SHROOM2: variants seen among roughly 807,000 people sequenced by gnomAD.
The protein encoded by SHROOM2 is protein Shroom2.
A neutral mutation model predicts 75.9 loss-of-function variants in SHROOM2; 33 were observed. The ratio of observed to expected loss-of-function variants is 0.43; its 90% CI spans 0.33 to 0.58. The LOEUF (loss-of-function observed/expected upper bound fraction) is 0.58. SHROOM2 is among the 20% of genes least tolerant of loss of function. The pLI, the probability that SHROOM2 is intolerant of heterozygous loss-of-function variation, is 0.04. For synonymous variants in SHROOM2, 655 were observed against 663.6 expected, an observed-to-expected ratio of 0.99 and a Z score of 0.20; for missense variants, 1,434 against 1,461.2, an observed-to-expected ratio of 0.98 and a Z score of 0.30.
rs1186935106 is a variant in SHROOM2 at position 9,897,269 on chromosome X, C to G, written c.2790+571C>G. ...TTTGATGGTGAGAGTTAATGTCCAG[C>G]TTTCTAGAAAACTGCATATTTCTTA... On this transcript the variant is annotated intron_variant, in intron 4 of 9. Transcript: ENST00000380913. 5.4e-5 allele frequency among the ~76,000 whole-genome samples: 6 copies of G among 111,715 alleles called. No homozygotes were observed. The Admixed American group carries it at 5.7e-4, about 11-fold the overall frequency.
chrX:9,882,337 G>C (rs766518140), intron 2 of SHROOM2, among the ~76,000 whole-genome samples: 1 of 100,962 alleles, frequency 9.9e-6, no homozygotes, highest in East Asian at 2.8e-4. Flanking sequence ...TGAATGTGCT[G>C]AGTTTCTTTG....
At chrX:9,797,330 C>T (rs1409058556) in intron 1 of SHROOM2, among the ~76,000 whole-genome samples, 1 of 112,581 alleles carries the variant, frequency 8.9e-6, no homozygotes, top group Non-Finnish European at 1.9e-5. Flanking sequence ...GGTGGCTGCC[C>T]ATGCTATGGT....
intron 5 of SHROOM2, among the ~76,000 whole-genome samples, chrX:9,930,490 G>C (rs1434594561): frequency 3.0e-5 from 3 of 99,453 alleles, no homozygotes; most frequent in Non-Finnish European, 4.0e-5. Flanking sequence ...CTGGACAACA[G>C]AGTAAGACCC....
chrX:9,901,759 A>C (rs1284762236), intron 5 of SHROOM2, among the ~76,000 whole-genome samples: 1 of 112,190 alleles, frequency 8.9e-6, no homozygotes, highest in East Asian at 2.8e-4. Context: ...TTAAACTCAC[A>C]TCACGGATGT....
At chrX:9,941,822 T>C (rs1228778881) in intron 8 of SHROOM2, among the ~76,000 whole-genome samples, 2 of 107,783 alleles carry the variant, frequency 1.9e-5, no homozygotes, top group South Asian at 4.0e-4. Flanking sequence ...ATACAAAAAA[T>C]TAGCCAGGCG....
chrX:9,849,913 C>T (rs1272439964), intron 1 of SHROOM2, among the ~76,000 whole-genome samples: 2 of 112,224 alleles, frequency 1.8e-5, no homozygotes, highest in Non-Finnish European at 3.8e-5. Flanking sequence ...AAGAGAGTGC[C>T]TGTTGCTGTA....
intron 1 of SHROOM2, among the ~76,000 whole-genome samples, chrX:9,794,103 T>C (rs1338389792): frequency 8.9e-6 from 1 of 111,912 alleles, no homozygotes; most frequent in Non-Finnish European, 1.9e-5. Flanking sequence ...TTGGTTGCTA[T>C]TGCTATCACT....
intron 1 of SHROOM2, among the ~76,000 whole-genome samples, chrX:9,814,587 A>G (rs776220521): frequency 3.6e-5 from 4 of 111,102 alleles, no homozygotes; most frequent in Non-Finnish European, 5.7e-5. Flanking sequence ...TTGCCTGGCA[A>G]TTGCCTCAGG....
At chrX:9,879,341 A>G (rs1323354890) in intron 2 of SHROOM2, among the ~76,000 whole-genome samples, 2 of 111,347 alleles carry the variant, frequency 1.8e-5, no homozygotes, top group African/African-American at 6.5e-5. Flanking sequence ...GCTCACTGCA[A>G]CCTTCGCCAC....
At position 9,891,022 on chromosome X, in the gene SHROOM2, G is replaced by C; in HGVS notation, c.363G>C (p.Lys121Asn). ...GWRPHSWHATKFSDSHPELAA... is the reference protein window; with the variant it reads ...GWRPHSWHATNFSDSHPELAA... The stretch of plus-strand genomic sequence containing the variant: ...GGCCTCACTCCTGGCATGCCACCAA[G>C]TTCTCTGACAGCCACCCCGAGCTAG... Residue 121 changes from lysine to asparagine, a missense_variant, in exon 3 of 10, where the codon AAG becomes AAC. This residue lies in a region of SHROOM2 where 1,340 missense variants were observed against 1,338.3 expected (regional missense o/e 1.00). Transcript: ENST00000380913. 2.5e-6 allele frequency: 3 copies of C among 1,205,298 alleles called. No homozygotes were observed. Among genetic ancestry groups the C allele is most frequent in the Non-Finnish European group, 3.4e-6 (3 of 892,347 alleles).
rs375673849 is a variant in SHROOM2 at position 9,891,072 on chromosome X, G to A, written c.413G>A (p.Ser138Asn). The A allele has an allele frequency of 4.2e-6, 5 of 1,204,357 alleles. No individual in the cohort carries two copies. The African/African-American group carries it at 8.7e-5, about 21-fold the overall frequency. Reference sequence around the variant, plus strand: ...GCGGCCTCCCCATTCACCTCCACCAGCGGCTGTCCTTCCTGGTCCGGCCGA... The same window carrying A: ...GCGGCCTCCCCATTCACCTCCACCAACGGCTGTCCTTCCTGGTCCGGCCGA... ...ELAASPFTST[S>N]GCPSWSGRHH... Residue 138 changes from serine (S) to asparagine (N), a missense_variant, in exon 3 of 10, where the codon AGC becomes AAC. By Grantham distance (46) the Ser-to-Asn change is conservative. Around this residue, in one of 3 missense-constraint regions of SHROOM2, gnomAD observed 1,340 missense variants for 1,338.3 expected, o/e 1.00. Transcript: ENST00000380913.
chrX:9,896,456 G>A lies in SHROOM2; in HGVS notation c.2548G>A (p.Asp850Asn), dbSNP rs950708993. Residue 850 changes from aspartate (D) to asparagine (N), a missense_variant, in exon 4 of 10, where the codon GAC becomes AAC. Coordinates refer to ENST00000380913, the MANE Select transcript of SHROOM2 (RefSeq NM_001649.4). ...CTGGTCGCGCACCACCTCCCTTGGG[G>A]ACAGCCTCAACGCTCACAGCGCAGC... ...EPWSRTTSLG[D>N]SLNAHSAAEK... The A allele has an allele frequency of 8.3e-7, 1 of 1,211,620 alleles. No individual in the cohort carries two copies.
chrX:9,940,066 C>T, intron 8 of SHROOM2, among the ~76,000 whole-genome samples: 1 of 112,413 alleles, frequency 8.9e-6, no homozygotes, highest in Non-Finnish European at 1.9e-5. Flanking sequence ...AGGCGTGAGC[C>T]ACTGCTTCCG....
At chrX:9,831,673 A>C (rs2083917022) in intron 1 of SHROOM2, among the ~76,000 whole-genome samples, 1 of 111,555 alleles carries the variant, frequency 9.0e-6, no homozygotes, top group South Asian at 3.8e-4. Context: ...ACAAACAAAC[A>C]AACAAAAGCA....
At chrX:9,918,785 A>G (rs2084513940) in intron 5 of SHROOM2, among the ~76,000 whole-genome samples, 1 of 112,002 alleles carries the variant, frequency 8.9e-6, no homozygotes, top group African/African-American at 3.2e-5. Context: ...CCACAATGCT[A>G]TCCTTGAGTG....
chrX:9,917,717 G>A (rs942862426), intron 5 of SHROOM2, among the ~76,000 whole-genome samples: 2 of 111,430 alleles, frequency 1.8e-5, no homozygotes, highest in African/African-American at 6.5e-5. Flanking sequence ...TAGAGACAGG[G>A]TGTCACCATA....
intron 1 of SHROOM2, among the ~76,000 whole-genome samples, chrX:9,823,735 T>TTTTTTTC (rs761781106): frequency 2.1e-5 from 2 of 96,595 alleles, no homozygotes; most frequent in African/African-American, 3.6e-5. Flanking sequence ...GAAACAACAT[T>TTTTTTTC]TTTTTTCTTT....
intron 1 of SHROOM2, among the ~76,000 whole-genome samples, chrX:9,824,677 G>A (rs2083879034): frequency 9.0e-6 from 1 of 111,652 alleles, no homozygotes; most frequent in African/African-American, 3.3e-5. Flanking sequence ...AGCTGGAGGG[G>A]CGTTCTGGGT....
intron 1 of SHROOM2, among the ~76,000 whole-genome samples, chrX:9,848,332 G>A (rs966494902): frequency 1.5e-4 from 15 of 100,383 alleles, no homozygotes; most frequent in African/African-American, 2.2e-4. Context: ...GTGAAACCCC[G>A]TCTCTACTAA....
Sources: gnomAD v4.1 joint callset for allele counts (sites outside exome capture counted in the v4.1 genomes callset) on GRCh38, gnomAD v4.1.1 for gene constraint, gnomAD v4.1.1 regional missense constraint, MANE v1.5 for transcripts, NCBI Gene and HGNC (gene_info 2026-07-23, HGNC 2026-07-21) for gene names.